Variants in IGSF10 observed in about 807,000 individuals in gnomAD.
IGSF10 encodes calvaria mechanical force protein 608.
In IGSF10, 126 loss-of-function variants were observed where a neutral mutation model predicts 128.2. That is an observed-to-expected ratio of 0.98 (90% CI 0.85 to 1.14). The LOEUF is 1.14. IGSF10 is among the 50% of genes most tolerant of loss of function. The pLI, the probability that IGSF10 is intolerant of heterozygous loss-of-function variation, is 0.00. For missense variants in IGSF10, 3,295 were observed against 3,149.8 expected (o/e 1.05, Z -1.10); for synonymous variants, 1,185 against 1,146.2 (o/e 1.03, Z -0.68).
Position 151,443,416 on chromosome 3 carries a change from A to G in IGSF10, c.5531T>C (p.Ile1844Thr), listed in dbSNP as rs1189510700. 1.2e-6 allele frequency: 2 copies of G among 1,614,238 alleles called. No homozygotes were observed. Among genetic ancestry groups the G allele is most frequent in the African/African-American group, 1.3e-5 (1 of 75,060 alleles). Reference protein sequence around the residue: ...KIQVIAAPPVILEQRRQVIVG... With the variant: ...KIQVIAAPPVTLEQRRQVIVG... ...AATGACTTGCCTCCTTTGCTCTAGA[A>G]TAACAGGTGGTGCTGCAATGACTTG... The change falls in exon 7 of 8, where the codon ATT becomes ACT. Residue 1844 changes from isoleucine to threonine, a missense_variant. Transcript: ENST00000282466.
At position 151,443,843 on chromosome 3, in the gene IGSF10, C is replaced by T. The variant is rs1202615630; in HGVS notation, c.5104G>A (p.Val1702Ile). Residue 1702 changes from valine to isoleucine, a missense_variant, in exon 7 of 8, where the codon GTT becomes ATT. Transcript: ENST00000282466. ...SKRKQNSRVQ[V>I]LPNGTLSIQR... ...ATGGACAGGGTACCATTGGGGAGAA[C>T]CTGGACCCTGCTATTCTGTTTCCTC... 4.3e-6 allele frequency: 7 copies of T among 1,613,282 alleles called. No homozygotes were observed. In the African/African-American group the frequency reaches 6.7e-5, roughly 15 times the overall value.
the IGSF10 span, among the ~76,000 whole-genome samples, chr3:151,547,429 T>TATACAC: frequency 2.0e-5 from 3 of 146,872 alleles, no homozygotes; most frequent in African/African-American, 7.6e-5. Context: ...AATATATATA[T>TATACAC]ACACACACAC....
At chr3:151,534,651 T>A in the IGSF10 span, among the ~76,000 whole-genome samples, 1 of 127,410 alleles carries the variant, frequency 7.8e-6, no homozygotes, top group African/African-American at 2.9e-5. Context: ...CTGGGGCCTG[T>A]CATGGGGTGG....
chr3:151,484,649 C>T, the IGSF10 span, among the ~76,000 whole-genome samples: 2 of 149,868 alleles, frequency 1.3e-5, no homozygotes, highest in African/African-American at 2.5e-5. Flanking sequence ...CAGTGATACC[C>T]AGGCAAACAG....
chr3:151,584,082 A>G, the IGSF10 span, among the ~76,000 whole-genome samples: 1 of 152,134 alleles, frequency 6.6e-6, no homozygotes, highest in Admixed American at 6.5e-5. Flanking sequence ...TGTGTATTCC[A>G]GTTTTTAAAT....
chr3:151,443,500 C>T lies in IGSF10; in HGVS notation c.5447G>A (p.Gly1816Asp). 1 of 1,614,232 alleles carries T rather than the reference C, an allele frequency of 6.2e-7. No homozygotes were observed. Among genetic ancestry groups the T allele is most frequent in the South Asian group, 1.1e-5 (1 of 91,086 alleles). ...VLHNLSIYDR[G>D]FYKCVASNPG... The stretch of plus-strand genomic sequence containing the variant: ...GTTGCTGGCCACACATTTGTAAAAG[C>T]CACGGTCATAAATACTGAGATTGTG... The change falls in exon 7 of 8, where the codon GGC becomes GAC. Residue 1816 changes from glycine to aspartate, a missense_variant. Coordinates refer to ENST00000282466, the MANE Select transcript of IGSF10 (RefSeq NM_178822.5).
chr3:151,617,256 C>CCT, the IGSF10 span, among the ~76,000 whole-genome samples: 1 of 88,156 alleles, frequency 1.1e-5, no homozygotes, highest in African/African-American at 4.6e-5. Context: ...CTCTTCTTCT[C>CCT]CTTCTCTTCT....
the IGSF10 span, among the ~76,000 whole-genome samples, chr3:151,562,877 A>G: frequency 6.6e-6 from 1 of 152,130 alleles, no homozygotes; most frequent in African/African-American, 2.4e-5. Context: ...GGACAGGAAA[A>G]GTGCTACCAC....
the IGSF10 span, among the ~76,000 whole-genome samples, chr3:151,568,943 G>A: frequency 3.3e-5 from 5 of 152,178 alleles, no homozygotes; most frequent in South Asian, 2.1e-4. Context: ...TACTGTTGAC[G>A]TCACAGTCAT....
At chr3:151,507,093 T>A in the IGSF10 span, among the ~76,000 whole-genome samples, 1 of 152,204 alleles carries the variant, frequency 6.6e-6, no homozygotes, top group Admixed American at 6.5e-5. Context: ...TGAAGTCTGG[T>A]GACATGTTCT....
the IGSF10 span, among the ~76,000 whole-genome samples, chr3:151,513,660 A>C: frequency 6.6e-6 from 1 of 152,206 alleles, no homozygotes; most frequent in Non-Finnish European, 1.5e-5. Flanking sequence ...GCATTCAACT[A>C]GGAAAAGAGG....
rs1310254148 is a variant in IGSF10, at chr3:151,438,529, C to G, written c.6032G>C (p.Ser2011Thr). The G allele has an allele frequency of 6.2e-7, 1 of 1,614,014 alleles. No individual in the cohort carries two copies. The highest frequency in any genetic ancestry group is 8.5e-7 in the Non-Finnish European group (1 of 1,180,030). The change falls in exon 8 of 8, where the codon AGT becomes ACT. Residue 2011 changes from serine (S) to threonine (T), a missense_variant. Physicochemically the swap from Ser to Thr is moderately conservative, Grantham distance 58. Transcript: ENST00000282466. The part of the protein sequence containing the change: ...LFIGSVTEKD[S>T]GVYLCVARNK... ...TCTTGCCACACACAAGTAGACACCA[C>G]TGTCTTTTTCTGTTACTGATCCAAT...
intron 5 of IGSF10, among the ~76,000 whole-genome samples, chr3:151,452,093 G>A (rs1044580879): frequency 6.6e-6 from 1 of 152,204 alleles, no homozygotes; most frequent in Non-Finnish European, 1.5e-5. Context: ...AGGTTGATGT[G>A]ACTGACCCAT....
chr3:151,527,293 T>A, the IGSF10 span, among the ~76,000 whole-genome samples: 5 of 152,198 alleles, frequency 3.3e-5, no homozygotes, highest in Non-Finnish European at 5.9e-5. Flanking sequence ...TTTTGGCTCA[T>A]TTATGCTTCA....
chr3:151,435,575 A>C (rs768708517), downstream of IGSF10: 1 of 152,162 alleles, frequency 6.6e-6, no homozygotes, highest in African/African-American at 2.4e-5. Flanking sequence ...GCACTGAGAT[A>C]TCTAAGACCT....
chr3:151,471,547 G>A, the IGSF10 span, among the ~76,000 whole-genome samples: 1 of 152,310 alleles, frequency 6.6e-6, no homozygotes, highest in African/African-American at 2.4e-5. Context: ...CCTCACCTGA[G>A]TTTGTCATAT....
At chr3:151,592,257 C>G in the IGSF10 span, among the ~76,000 whole-genome samples, 1 of 138,884 alleles carries the variant, frequency 7.2e-6, no homozygotes, top group Non-Finnish European at 1.6e-5. Context: ...CACACACACT[C>G]CACATACAAA....
At chr3:151,491,431 A>T in the IGSF10 span, among the ~76,000 whole-genome samples, 88 of 152,168 alleles carry the variant, frequency 5.8e-4, no homozygotes, top group African/African-American at 2.1e-3. Context: ...ACAAAAAATT[A>T]GCCAGGTGTG....
the IGSF10 span, among the ~76,000 whole-genome samples, chr3:151,517,703 T>C: frequency 1.3e-5 from 2 of 151,922 alleles, no homozygotes; most frequent in Non-Finnish European, 2.9e-5. Context: ...AACAAAGTTA[T>C]GGGAGGCCAT....
Sources: allele counts gnomAD v4.1 joint callset (sites outside exome capture counted in the v4.1 genomes callset), GRCh38; gene constraint gnomAD v4.1.1; transcripts MANE v1.5; gene names NCBI Gene and HGNC (gene_info 2026-07-23, HGNC 2026-07-21).